Variants in BAG6 observed in about 807,000 individuals in gnomAD.
BAG6 encodes BAG cochaperone 6.
BAG6 carries 22 observed loss-of-function variants against 121.0 expected under a neutral mutation model. The ratio of observed to expected loss-of-function variants is 0.18; its 90% CI spans 0.13 to 0.26. The LOEUF (loss-of-function observed/expected upper bound fraction) is 0.26, where lower values mean the gene tolerates loss of function less well. Ranked by LOEUF, BAG6 falls within the 10% of genes least tolerant of loss-of-function variation. The pLI is 1.00. For synonymous variants in BAG6, 583 were observed against 584.6 expected, an observed-to-expected ratio of 1.00 and a Z score of 0.04; for missense variants, 1,233 against 1,537.7, an observed-to-expected ratio of 0.80 and a Z score of 3.31.
intron 2 of BAG6, among the ~76,000 whole-genome samples, chr6:31,650,084 G>A (rs558118735): frequency 6.6e-6 from 1 of 152,020 alleles, no homozygotes; most frequent in Non-Finnish European, 1.5e-5. Flanking sequence ...CTGGGTGACA[G>A]AGAGGGACTC....
Position 31,645,570 on chromosome 6 carries a change from T to A in BAG6, c.953A>T (p.Asn318Ile). The A allele has an allele frequency of 6.2e-7, 1 of 1,613,138 alleles. No individual in the cohort carries two copies. Among genetic ancestry groups the A allele is most frequent in the Non-Finnish European group, 8.5e-7 (1 of 1,180,036 alleles). ...EGREEDQRLI[N>I]LVGESLRLLG... ...CAGTCGCAGGCTCTCCCCTACCAAGTTGATCAACCGCTGATCCTCCTCCCG... is the reference window on the plus strand; with the variant it reads ...CAGTCGCAGGCTCTCCCCTACCAAGATGATCAACCGCTGATCCTCCTCCCG... Residue 318 changes from asparagine to isoleucine, a missense_variant, in exon 9 of 26, where the codon AAC becomes ATC. This residue lies in a region of BAG6 where 777 missense variants were observed against 861.4 expected (regional missense o/e 0.90). Transcript: ENST00000676615.
intron 24 of BAG6, 84 bp from the exon 25 acceptor site, chr6:31,639,730 C>T: frequency 6.8e-7 from 1 of 1,468,342 alleles, no homozygotes; most frequent in South Asian, 1.3e-5. Flanking sequence ...CATGAGTCAA[C>T]CACTCCACTG....
At position 31,651,748 on chromosome 6, in the gene BAG6, T is replaced by C; in HGVS notation, c.16A>G (p.Ser6Gly). Residue 6 changes from serine (S) to glycine (G), a missense_variant, in exon 2 of 26, where the codon AGT becomes GGT. Coordinates refer to ENST00000676615, the MANE Select transcript of BAG6 (RefSeq NM_001387994.1). Reference sequence around the variant, plus strand: ...GGCTCCTCCACAGCGGTACTGGTACTATCATTAGGCTCCATGGCCGACAGG... The same window carrying C: ...GGCTCCTCCACAGCGGTACTGGTACCATCATTAGGCTCCATGGCCGACAGG... MEPNDSTSTAVEEPDS... is the reference protein window; with the variant it reads MEPNDGTSTAVEEPDS... 6.2e-7 allele frequency: 1 copy of C among 1,612,998 alleles called. No individual in the cohort carries two copies.
Position 31,641,741 on chromosome 6 carries a change from AGAG to A in BAG6, c.2505+32_2505+34del. Reference sequence around the variant, plus strand: ...AGAAATAAGGAATAAAATGTGCAAAAGAGGAGAGTTCTGGGGCCCCTGGCCTTC... The same window carrying A: ...AGAAATAAGGAATAAAATGTGCAAAAGAGAGTTCTGGGGCCCCTGGCCTTC... On this transcript the variant is annotated intron_variant, in intron 17 of 25. Coordinates refer to ENST00000676615, the MANE Select transcript of BAG6 (RefSeq NM_001387994.1). The surrounding 1 kb of genome is among the most constrained non-coding windows in gnomAD (Gnocchi z 5.7). The A allele has an allele frequency of 1.9e-6, 3 of 1,612,244 alleles. No individual in the cohort carries two copies.
At chr6:31,649,095 C>T (rs1793456203) in intron 4 of BAG6, 104 bp downstream of exon 4, 1 of 1,534,524 alleles carries the variant, frequency 6.5e-7, no homozygotes, top group South Asian at 1.2e-5. Flanking sequence ...CACAGGGCCC[C>T]CTGAACCCAA....
chr6:31,642,376 G>A lies in BAG6; in HGVS notation c.2071C>T (p.Pro691Ser), dbSNP rs1187832009. The A allele has an allele frequency of 1.8e-6, 2 of 1,094,084 alleles. No homozygotes were observed. Among genetic ancestry groups the A allele is most frequent in the Non-Finnish European group, 2.7e-6 (2 of 754,248 alleles). The allele number at this position is 1,094,084 out of a possible 1,614,324, so 67.8% of individuals were successfully genotyped here. Residue 691 changes from proline (P) to serine (S), a missense_variant, in exon 16 of 26, where the codon CCA becomes TCA. Pro to Ser is a moderately conservative substitution (Grantham distance 74). Transcript: ENST00000676615. ...QATQTAPPPP[P>S]PPPPPPPAPE... ...GCAGGTGGTGGGGGTGGAGGAGGTGGGGGTGGTGGAGGGGCTGTCTGTGTT... is the reference window on the plus strand; with the variant it reads ...GCAGGTGGTGGGGGTGGAGGAGGTGAGGGTGGTGGAGGGGCTGTCTGTGTT...
chr6:31,646,256 G>A, intron 8 of BAG6, 138 bp downstream of exon 8: 4 of 1,328,234 alleles, frequency 3.0e-6, no homozygotes, highest in Non-Finnish European at 4.1e-6. Context: ...AAAGTGCTGG[G>A]ATTACAGGCG....
In BAG6 at chr6:31,643,936, C is replaced by A; in HGVS notation, c.1710G>T (p.Met570Ile). The stretch of plus-strand genomic sequence containing the variant: ...GAAGCTGCCCCACAAGGCCGCTCAC[C>A]ATCTGGGCCAACGAGGCATTGGTAC... Reference protein sequence around the residue: ...GLGTNASLAQMVSGLVGQLLM... With the variant: ...GLGTNASLAQIVSGLVGQLLM... Residue 570 changes from methionine (M) to isoleucine (I), a missense_variant, in exon 14 of 26, where the codon ATG (methionine) becomes ATT (isoleucine). Around this residue, in one of 7 missense-constraint regions of BAG6, gnomAD observed 777 missense variants for 861.4 expected, o/e 0.90. Coordinates refer to ENST00000676615, the MANE Select transcript of BAG6 (RefSeq NM_001387994.1). The A allele has an allele frequency of 6.2e-7, 1 of 1,613,830 alleles. No homozygotes were observed. The highest frequency in any genetic ancestry group is 8.5e-7 in the Non-Finnish European group (1 of 1,180,022).
At chr6:31,643,843 A>C in intron 14 of BAG6, 47 bp downstream of exon 14, 6 of 1,589,688 alleles carry the variant, frequency 3.8e-6, no homozygotes, top group Non-Finnish European at 5.2e-6. Context: ...CAGTGAGCAG[A>C]CTAGGAAAGG....
intron 5 of BAG6, 68 bp downstream of exon 5, chr6:31,648,843 G>C (rs1793170069): frequency 6.3e-7 from 1 of 1,583,894 alleles, no homozygotes; most frequent in Non-Finnish European, 8.6e-7. Context: ...CTCTCAGCCA[G>C]GTCCACCCCA....
At position 31,647,647 on chromosome 6, in the gene BAG6, G is replaced by A. The variant is rs1338137485; in HGVS notation, c.732C>T (p.Leu244=). 1.2e-6 allele frequency: 2 copies of A among 1,605,526 alleles called. No individual in the cohort carries two copies. Among genetic ancestry groups the A allele is most frequent in the Admixed American group, 1.7e-5 (1 of 58,294 alleles). ...GGCCCGCTGGGGCTGGGCCAGGAGT[G>A]AGCTCCGGGTTCTGGGCTGGGGCAC... is the stretch of plus-strand genomic sequence containing the variant. The part of the protein sequence containing the change: ...EERAPAQNPE[L]TPGPAPAGPT... The change falls in exon 7 of 26, where the codon CTC becomes CTT. Residue 244 remains leucine (L), a synonymous_variant. Coordinates refer to ENST00000676615, the MANE Select transcript of BAG6 (RefSeq NM_001387994.1).
chr6:31,650,084 G>C (rs558118735), intron 2 of BAG6, among the ~76,000 whole-genome samples: 39 of 152,138 alleles, frequency 2.6e-4, no homozygotes, highest in African/African-American at 7.7e-4. Flanking sequence ...CTGGGTGACA[G>C]AGAGGGACTC....
At chr6:31,651,985 C>A in intron 1 of BAG6, 1 of 505,230 alleles carries the variant, frequency 2.0e-6, no homozygotes, top group Non-Finnish European at 3.6e-6. Flanking sequence ...AGCTGGAGGA[C>A]GAGAGGTGGG....
intron 15 of BAG6, 131 bp downstream of exon 15, chr6:31,642,698 T>A: frequency 9.1e-7 from 1 of 1,098,404 alleles, no homozygotes; most frequent in Non-Finnish European, 1.3e-6. Flanking sequence ...AGTCAATGAA[T>A]TCCCAGGGCC....
rs1210202512 is a variant in BAG6 at position 31,644,027 on chromosome 6, C to A, written c.1669-50G>T. 1.2e-6 allele frequency: 2 copies of A among 1,613,060 alleles called. No individual in the cohort carries two copies. The highest frequency in any genetic ancestry group is 1.7e-6 in the Non-Finnish European group (2 of 1,179,318). The stretch of plus-strand genomic sequence containing the variant: ...TCAGACCTGCCCTTCCATGCACCAC[C>A]ACAGGAGTCTCTCCCTAGACTGTTA... On this transcript the variant is annotated intron_variant, in intron 13 of 25. Coordinates refer to ENST00000676615, the MANE Select transcript of BAG6 (RefSeq NM_001387994.1). This position sits in a 1 kb window ranked among gnomAD's most constrained non-coding sequence, Gnocchi z 4.9.
At chr6:31,647,397 G>A (rs1008471462) in intron 7 of BAG6, among the ~76,000 whole-genome samples, 194 bp downstream of exon 7, 2 of 152,184 alleles carry the variant, frequency 1.3e-5, no homozygotes, top group Non-Finnish European at 2.9e-5. Flanking sequence ...GCCGTAGGGA[G>A]AGCAGCAGTT....
In BAG6 at chr6:31,641,734, G is replaced by A. The variant is rs1024898681; in HGVS notation, c.2505+42C>T. 7 of 1,611,724 alleles carry A rather than the reference G, an allele frequency of 4.3e-6. No homozygotes were observed. The highest frequency in any genetic ancestry group is 2.7e-5 in the African/African-American group (2 of 74,772). ...AGCAGTCAGAAATAAGGAATAAAAT[G>A]TGCAAAAGAGGAGAGTTCTGGGGCC... On this transcript the variant is annotated intron_variant, in intron 17 of 25. Coordinates refer to ENST00000676615, the MANE Select transcript of BAG6 (RefSeq NM_001387994.1). The surrounding 1 kb of genome is among the most constrained non-coding windows in gnomAD (Gnocchi z 5.7).
In BAG6 at chr6:31,640,357, A is replaced by G; in HGVS notation, c.3138+28T>C. On this transcript the variant is annotated intron_variant, in intron 23 of 25. Transcript: ENST00000676615. This position sits in a 1 kb window ranked among gnomAD's most constrained non-coding sequence, Gnocchi z 4.2. ...ATGTCCTTGACTTTCAGCTGCCATG[A>G]CCCACTGGATTACTTCCTGACACTT... 1 of 1,614,132 alleles carries G rather than the reference A, an allele frequency of 6.2e-7. No individual in the cohort carries two copies. Among genetic ancestry groups the G allele is most frequent in the Non-Finnish European group, 8.5e-7 (1 of 1,180,000 alleles).
chr6:31,645,771 A>G (rs775142689), intron 8 of BAG6, among the ~76,000 whole-genome samples, 167 bp from the exon 9 acceptor site: 3 of 152,246 alleles, frequency 2.0e-5, no homozygotes, highest in Non-Finnish European at 2.9e-5. Context: ...ATTATATCTT[A>G]TTCACATAAG....
Sources: gnomAD v4.1 joint callset for allele counts (sites outside exome capture counted in the v4.1 genomes callset) on GRCh38, gnomAD v4.1.1 for gene constraint, gnomAD v4.1.1 regional missense constraint, Gnocchi (gnomAD v3.1) non-coding constraint, MANE v1.5 for transcripts, NCBI Gene and HGNC (gene_info 2026-07-23, HGNC 2026-07-21) for gene names.